The following GREB1L variants were observed in gnomAD, a reference collection of about 807,000 sequenced individuals.
GREB1L encodes the protein GREB1-like protein.
In GREB1L, 17 loss-of-function variants were observed where a neutral mutation model predicts 200.8. The observed-to-expected ratio is 0.08, with a 90% CI of 0.06 to 0.13. The LOEUF (loss-of-function observed/expected upper bound fraction) is 0.13. Among genes scored for constraint, GREB1L ranks in the 10% least tolerant of loss-of-function variants. The probability of loss-of-function intolerance (pLI) is 1.00; values close to 1 mark genes in which losing one functional copy is unlikely to be tolerated. For synonymous variants in GREB1L, 789 were observed against 893.0 expected (o/e 0.88, Z 2.08); for missense variants, 1,657 against 2,367.7 (o/e 0.70, Z 6.23).
intron 1 of GREB1L, among the ~76,000 whole-genome samples, chr18:21,323,102 A>C (rs2038974420): frequency 1.3e-5 from 2 of 152,050 alleles, no homozygotes; most frequent in South Asian, 4.1e-4. Context: ...CTGGGCAACA[A>C]GGCAAGACCC....
chr18:21,448,561 A>G (rs765336367), intron 11 of GREB1L, among the ~76,000 whole-genome samples: 5 of 152,102 alleles, frequency 3.3e-5, no homozygotes, highest in African/African-American at 9.7e-5. Context: ...GCTTTTAGCC[A>G]TGGGTTCTGG....
chr18:21,423,643 T>G (rs941876962), intron 7 of GREB1L, among the ~76,000 whole-genome samples: 3 of 152,192 alleles, frequency 2.0e-5, no homozygotes, highest in Admixed American at 1.3e-4. Context: ...GAGGATCACT[T>G]GAGCCCAGGA....
At chr18:21,402,431 T>G (rs1023675614) in intron 6 of GREB1L, among the ~76,000 whole-genome samples, 4 of 151,794 alleles carry the variant, frequency 2.6e-5, no homozygotes, top group Non-Finnish European at 5.9e-5. Context: ...TTTTTTCTTT[T>G]CTTTTTCTTT....
intron 15 of GREB1L, among the ~76,000 whole-genome samples, chr18:21,471,012 C>T (rs2035462073): frequency 1.3e-5 from 2 of 152,164 alleles, no homozygotes; most frequent in Non-Finnish European, 2.9e-5. Flanking sequence ...AGGACAGAGC[C>T]AGCACCCTGC....
At chr18:21,489,705 C>A (rs760908157) in intron 18 of GREB1L, among the ~76,000 whole-genome samples, 9 of 152,146 alleles carry the variant, frequency 5.9e-5, no homozygotes, top group Non-Finnish European at 1.2e-4. Context: ...TTGAGCATTT[C>A]TAACAAGCTC....
chr18:21,430,845 C>T (rs1332074175), intron 7 of GREB1L, among the ~76,000 whole-genome samples: 1 of 151,364 alleles, frequency 6.6e-6, no homozygotes, highest in Non-Finnish European at 1.5e-5. Flanking sequence ...ATCTGCCCAC[C>T]TCGGCCTCCC....
chr18:21,367,253 A>T (rs2039711203), intron 2 of GREB1L, among the ~76,000 whole-genome samples: 1 of 152,210 alleles, frequency 6.6e-6, no homozygotes, highest in Admixed American at 6.5e-5. Context: ...TTATCTAAGG[A>T]ATGCTCGCTT....
chr18:21,339,050 G>C (rs759584469), intron 1 of GREB1L, among the ~76,000 whole-genome samples: 25 of 152,148 alleles, frequency 1.6e-4, no homozygotes, highest in Non-Finnish European at 4.4e-5. Flanking sequence ...TTCCTGGCGT[G>C]GTGGCGGGCG....
At chr18:21,313,584 G>A (rs1384164864) in intron 1 of GREB1L, among the ~76,000 whole-genome samples, 1 of 152,210 alleles carries the variant, frequency 6.6e-6, no homozygotes, top group Non-Finnish European at 1.5e-5. Flanking sequence ...ACCCCATGAT[G>A]TAGGACAGCC....
intron 1 of GREB1L, among the ~76,000 whole-genome samples, chr18:21,318,819 A>G (rs1460434028): frequency 6.6e-6 from 1 of 152,064 alleles, no homozygotes; most frequent in East Asian, 1.9e-4. Context: ...GACCAAGAAG[A>G]GCTGGGAAAG....
chr18:21,427,444 G>T (rs2032702507), intron 7 of GREB1L, among the ~76,000 whole-genome samples: 1 of 152,094 alleles, frequency 6.6e-6, no homozygotes, highest in African/African-American at 2.4e-5. Context: ...ACTTGAGGTT[G>T]TTGTGAGCTG....
At chr18:21,461,331 T>C (rs2035038766) in intron 15 of GREB1L, among the ~76,000 whole-genome samples, 1 of 152,026 alleles carries the variant, frequency 6.6e-6, no homozygotes, top group Non-Finnish European at 1.5e-5. Flanking sequence ...GGGGTCTCGT[T>C]CCATCAGTGT....
At position 21,468,933 on chromosome 18, in the gene GREB1L, A is replaced by G. The variant is rs1598889877; in HGVS notation, c.2183-4098A>G. On this transcript the variant is annotated intron_variant, in intron 15 of 32. Transcript: ENST00000424526. ...ACCACAAAAGTGATACTGTGTCCTCATTGCATCATGTCAGGGAGTACATGA... is the reference window on the plus strand; with the variant it reads ...ACCACAAAAGTGATACTGTGTCCTCGTTGCATCATGTCAGGGAGTACATGA... 5 of 371,706 alleles carry G rather than the reference A, an allele frequency of 1.3e-5. No homozygotes were observed. The Admixed American group carries it at 1.6e-4, about 12-fold the overall frequency. 23.0% of individuals were successfully genotyped at this position (371,706 alleles called of 1,614,324 possible).
intron 18 of GREB1L, 56 bp downstream of exon 18, chr18:21,485,809 A>G (rs141443511): frequency 1.3e-6 from 2 of 1,518,620 alleles, no homozygotes; most frequent in African/African-American, 2.8e-5. Flanking sequence ...GCAGATCTAA[A>G]ATAGCCAAAA....
At chr18:21,452,384 T>A (rs1371849361) in intron 14 of GREB1L, 167 bp downstream of exon 14, 7 of 656,388 alleles carry the variant, frequency 1.1e-5, no homozygotes, top group African/African-American at 7.3e-5. Context: ...CTTTCCCATG[T>A]GGCCTGGATC....
At chr18:21,472,816 A>G (rs2035535408) in intron 15 of GREB1L, among the ~76,000 whole-genome samples, 1 of 152,100 alleles carries the variant, frequency 6.6e-6, no homozygotes, top group South Asian at 2.1e-4. Flanking sequence ...TGTGTCAGGG[A>G]TGGGAGGTGA....
In GREB1L at chr18:21,525,383, T is replaced by C. The variant is rs1205728057; in HGVS notation, c.*2562T>C. 1 of 152,162 alleles carries C rather than the reference T, an allele frequency of 6.6e-6. No individual in the cohort carries two copies. The highest frequency in any genetic ancestry group is 1.5e-5 in the Non-Finnish European group (1 of 68,010). 9.4% of individuals were successfully genotyped at this position (152,162 alleles called of 1,614,324 possible). On this transcript the variant is annotated 3_prime_UTR_variant, in exon 33 of 33. Coordinates refer to ENST00000424526, the MANE Select transcript of GREB1L (RefSeq NM_001142966.3). ...TTATATTTTTGTCCTTTGATTTAAT[T>C]TGCTTAATGTATTAAAGTTATCTCC... is the stretch of plus-strand genomic sequence containing the variant.
intron 1 of GREB1L, among the ~76,000 whole-genome samples, chr18:21,243,661 T>G (rs182069988): frequency 6.6e-6 from 1 of 152,350 alleles, no homozygotes; most frequent in Admixed American, 6.5e-5. Context: ...GGAACTCTGC[T>G]TTGAGTGTTG....
chr18:21,475,865 A>C (rs2035671183), intron 16 of GREB1L, among the ~76,000 whole-genome samples: 1 of 145,974 alleles, frequency 6.9e-6, no homozygotes, highest in South Asian at 2.2e-4. Flanking sequence ...GCTACTAGGG[A>C]GGCTGAAGCA....
Sources: allele counts gnomAD v4.1 joint callset (sites outside exome capture counted in the v4.1 genomes callset), GRCh38; gene constraint gnomAD v4.1.1; transcripts MANE v1.5; gene names NCBI Gene and HGNC (gene_info 2026-07-23, HGNC 2026-07-21).